EFCAB6: variants seen among roughly 807,000 people sequenced by gnomAD.
The protein encoded by EFCAB6 is EF-hand calcium binding domain 6.
Under a neutral mutation model 169.8 loss-of-function variants are expected in EFCAB6, and 156 were observed. The observed-to-expected ratio is 0.92, with a 90% confidence interval of 0.81 to 1.05. The LOEUF (loss-of-function observed/expected upper bound fraction) is 1.05. Among genes scored for constraint, EFCAB6 ranks in the 50% least tolerant of loss-of-function variants. EFCAB6 has a pLI of 0.00. For synonymous variants in EFCAB6, 698 were observed against 676.4 expected, an observed-to-expected ratio of 1.03 and a Z score of -0.50; for missense variants, 1,800 against 1,829.1, an observed-to-expected ratio of 0.98 and a Z score of 0.29.
intron 30 of EFCAB6, chr22:43,533,308 T>C (rs1055282493): frequency 6.6e-6 from 1 of 152,156 alleles, no homozygotes; most frequent in African/African-American, 2.4e-5. Context: ...TGAAGACCCT[T>C]TTAGTTCCAA....
rs373105943 is a variant in EFCAB6 at position 43,672,079 on chromosome 22, T to C, written c.1534A>G (p.Met512Val). ...TCTCCAAGGTCATATGAGCGTAGCATGTTATAAAAAGCTTGTAGGTTCCTA... is the reference window on the plus strand; with the variant it reads ...TCTCCAAGGTCATATGAGCGTAGCACGTTATAAAAAGCTTGTAGGTTCCTA... ...ITRNLQAFYN[M>V]LRSYDLGDTG... Residue 512 changes from methionine (M) to valine (V), a missense_variant, in exon 15 of 32, where the codon ATG becomes GTG. Physicochemically the swap from Met to Val is conservative, Grantham distance 21. Transcript: ENST00000262726. 62 of 1,613,936 alleles carry C rather than the reference T, an allele frequency of 3.8e-5. 1 individual carries two copies. Among genetic ancestry groups the C allele is most frequent in the Middle Eastern group, 3.3e-4 (2 of 6,084 alleles).
At chr22:43,771,442 A>AAATT (rs1219891730) in intron 4 of EFCAB6, among the ~76,000 whole-genome samples, 23 of 152,238 alleles carry the variant, frequency 1.5e-4, no homozygotes, top group Middle Eastern at 6.8e-3. Context: ...AATAAAAAAT[A>AAATT]AATTAATTAA....
chr22:43,573,789 A>G, intron 26 of EFCAB6, among the ~76,000 whole-genome samples: 1 of 151,788 alleles, frequency 6.6e-6, no homozygotes, highest in East Asian at 1.9e-4. Context: ...TATTAATACT[A>G]GTTGTCCCAA....
intron 30 of EFCAB6, among the ~76,000 whole-genome samples, chr22:43,532,267 G>T (rs191746537): frequency 6.6e-6 from 1 of 152,380 alleles, no homozygotes; most frequent in East Asian, 1.9e-4. Context: ...CAGCTTTGCG[G>T]GGTTGCTGAG....
In EFCAB6 at chr22:43,765,365, G is replaced by A. The variant is rs139001785; in HGVS notation, c.380C>T (p.Pro127Leu). ...AAACCTGGACAGAAAGGCAAGGTAC[G>A]GTACAGTACCAGAGGTGCTAAGGGG... ...QIPLSTSGTV[P>L]YLAFLSRFGG... Residue 127 changes from proline (P) to leucine (L), a missense_variant, in exon 5 of 32, where the codon CCG becomes CTG. Transcript: ENST00000262726. The A allele has an allele frequency of 1.1e-5, 17 of 1,612,298 alleles. No individual in the cohort carries two copies. The African/African-American group carries it at 1.1e-4, about 10-fold the overall frequency.
At chr22:43,590,764 AGTAGGTTT>A (rs1001561420) in intron 23 of EFCAB6, among the ~76,000 whole-genome samples, 8 of 150,056 alleles carry the variant, frequency 5.3e-5, no homozygotes, top group East Asian at 2.0e-4. Context: ...AAAAAAAGAC[AGTAGGTTT>A]GTAGGTTTGT....
chr22:43,620,393 T>C (rs1041339374), intron 20 of EFCAB6, among the ~76,000 whole-genome samples: 1 of 152,118 alleles, frequency 6.6e-6, no homozygotes, highest in Non-Finnish European at 1.5e-5. Context: ...AACGGAATAC[T>C]TGCATACTTC....
chr22:43,754,805 C>A (rs2060895953), intron 6 of EFCAB6, among the ~76,000 whole-genome samples: 1 of 152,164 alleles, frequency 6.6e-6, no homozygotes, highest in African/African-American at 2.4e-5. Context: ...ATGATGAACA[C>A]AGTTTAAAGA....
At chr22:43,677,498 T>C (rs1455108600) in intron 13 of EFCAB6, among the ~76,000 whole-genome samples, 2 of 151,884 alleles carry the variant, frequency 1.3e-5, no homozygotes, top group Admixed American at 1.3e-4. Flanking sequence ...ACACAAAAAT[T>C]ACCCGGGCGT....
chr22:43,796,267 T>C (rs61469537), intron 2 of EFCAB6, among the ~76,000 whole-genome samples: 12,167 of 152,050 alleles, frequency 0.08, 667 homozygotes, highest in South Asian at 0.2. Flanking sequence ...CCTGTCAGAC[T>C]ATTAATGCCG....
In EFCAB6 at chr22:43,679,832, AGGTT is replaced by A. The variant is rs2057932253; in HGVS notation, c.1252-1673_1252-1670del. Among the ~76,000 whole-genome samples, 4 of 152,268 alleles carry A rather than the reference AGGTT, an allele frequency of 2.6e-5. No homozygotes were observed. The South Asian group carries it at 6.2e-4, about 24-fold the overall frequency. On this transcript the variant is annotated intron_variant, in intron 12 of 31. Transcript: ENST00000262726. Reference sequence around the variant, plus strand: ...ATATATTTTACCCATTTAAAAAATTAGGTTGTCTTCTTATTGAGTTGTAAAAGTA... The same window carrying A: ...ATATATTTTACCCATTTAAAAAATTAGTCTTCTTATTGAGTTGTAAAAGTA...
chr22:43,672,204 A>G (rs1472493365), intron 14 of EFCAB6, 42 bp downstream of exon 14: 1 of 1,614,012 alleles, frequency 6.2e-7, no homozygotes, highest in South Asian at 1.1e-5. Flanking sequence ...ACCTCAAACC[A>G]TATAGGAAGG....
chr22:43,539,921 G>A (rs944647802), intron 28 of EFCAB6, among the ~76,000 whole-genome samples: 2 of 151,960 alleles, frequency 1.3e-5, no homozygotes, highest in Non-Finnish European at 2.9e-5. Context: ...CTCCTCCACC[G>A]TTCCTATCCC....
At chr22:43,576,953 A>C (rs181560321) in intron 25 of EFCAB6, among the ~76,000 whole-genome samples, 204 of 152,308 alleles carry the variant, frequency 1.3e-3, no homozygotes, top group African/African-American at 4.7e-3. Context: ...CTGGTGTCTC[A>C]AGACAGGAGT....
Position 43,598,037 on chromosome 22 carries a change from C to T in EFCAB6, c.2876+2032G>A, listed in dbSNP as rs146993410. 3.9e-3 allele frequency among the ~76,000 whole-genome samples: 588 copies of T among 152,216 alleles called. 3 individuals are homozygous for T. The highest frequency in any genetic ancestry group is 0.014 in the Middle Eastern group (4 of 294). ...GTTTAAAAAGTTGATCTCAGCTGGG[C>T]GCAGTGGCTCACGCCTGTAAGACCA... On this transcript the variant is annotated intron_variant, in intron 23 of 31. Coordinates refer to ENST00000262726, the MANE Select transcript of EFCAB6 (RefSeq NM_022785.4).
At chr22:43,661,568 C>G (rs1392073225) in intron 17 of EFCAB6, among the ~76,000 whole-genome samples, 2 of 152,156 alleles carry the variant, frequency 1.3e-5, no homozygotes, top group Middle Eastern at 3.2e-3. Context: ...TTGCAACTAC[C>G]CAGAACAGGT....
At chr22:43,577,018 C>G (rs2050301813) in intron 25 of EFCAB6, among the ~76,000 whole-genome samples, 1 of 152,210 alleles carries the variant, frequency 6.6e-6, no homozygotes, top group Non-Finnish European at 1.5e-5. Flanking sequence ...GACCCCACCC[C>G]TGTCCTTCAC....
intron 24 of EFCAB6, 31 bp from the exon 25 acceptor site, chr22:43,580,690 C>T: frequency 6.2e-6 from 10 of 1,607,572 alleles, no homozygotes; most frequent in Non-Finnish European, 8.5e-6. Context: ...AGAACATATT[C>T]ATTTTAAAAA....
At chr22:43,700,618 GA>G (rs1182815106) in intron 10 of EFCAB6, among the ~76,000 whole-genome samples, 43 of 152,144 alleles carry the variant, frequency 2.8e-4, no homozygotes, top group African/African-American at 9.7e-4. Flanking sequence ...CACCTGTGGA[GA>G]CTCACCTTCC....
Sources: allele counts gnomAD v4.1 joint callset (sites outside exome capture counted in the v4.1 genomes callset), GRCh38; gene constraint gnomAD v4.1.1; transcripts MANE v1.5; gene names NCBI Gene and HGNC (gene_info 2026-07-23, HGNC 2026-07-21).